The following ANGEL2 variants were observed in gnomAD, a reference collection of about 807,000 sequenced individuals.
The protein encoded by ANGEL2 is angel homolog 2, also known as RNA 2',3'-cyclic phosphatase ANGEL2.
In ANGEL2, 41 loss-of-function variants were observed where a neutral mutation model predicts 66.0. The observed-to-expected ratio is 0.62, with a 90% CI of 0.48 to 0.81. ANGEL2 has a LOEUF of 0.81. Among genes scored for constraint, ANGEL2 ranks in the 30% least tolerant of loss-of-function variants. The pLI, the probability that ANGEL2 is intolerant of heterozygous loss-of-function variation, is 0.00. For missense variants in ANGEL2, 561 were observed against 641.6 expected (o/e 0.87, Z 1.36); for synonymous variants, 208 against 226.5 (o/e 0.92, Z 0.73).
At chr1:213,009,962 A>T (rs1245596987) in intron 2 of ANGEL2, among the ~76,000 whole-genome samples, 1 of 151,680 alleles carries the variant, frequency 6.6e-6, no homozygotes, top group Non-Finnish European at 1.5e-5. Flanking sequence ...GAAGCCAGAG[A>T]ATCGCTGTAA....
chr1:212,998,260 C>T (rs900410093), intron 7 of ANGEL2, among the ~76,000 whole-genome samples: 6 of 150,954 alleles, frequency 4.0e-5, no homozygotes, highest in African/African-American at 7.3e-5. Context: ...AAAGTAGCTA[C>T]GCGTGGAGGC....
rs553085890 is a variant in ANGEL2 at position 213,005,226 on chromosome 1, T to C, written c.941A>G (p.Asn314Ser). Residue 314 changes from asparagine to serine, a missense_variant, in exon 5 of 9, where the codon AAT (asparagine) becomes AGT (serine). Physicochemically the swap from Asn to Ser is conservative, Grantham distance 46. Coordinates refer to ENST00000366962, the MANE Select transcript of ANGEL2 (RefSeq NM_144567.5). ...ICVANTHLLYNPRRGDIKLTQ... is the reference protein window; with the variant it reads ...ICVANTHLLYSPRRGDIKLTQ... Reference sequence around the variant, plus strand: ...CAGCTTAATATCACCTCGCCTTGGATTATACAACAGATGCGTATTTGCTAC... The same window carrying C: ...CAGCTTAATATCACCTCGCCTTGGACTATACAACAGATGCGTATTTGCTAC... 7.4e-6 allele frequency: 12 copies of C among 1,614,258 alleles called. No individual in the cohort carries two copies. Among genetic ancestry groups the C allele is most frequent in the Non-Finnish European group, 9.3e-6 (11 of 1,180,054 alleles).
rs1459309479 is a variant in ANGEL2, at chr1:212,994,339, A to G, written c.*702T>C. The G allele has an allele frequency of 6.6e-6, 1 of 152,192 alleles. No homozygotes were observed. The highest frequency in any genetic ancestry group is 1.5e-5 in the Non-Finnish European group (1 of 68,060). The allele number at this position is 152,192 out of a possible 1,614,324, so 9.4% of individuals were successfully genotyped here. A position where few individuals can be genotyped will look rare whatever the true frequency, so the allele number is the denominator to read the frequency against. ...AAAAATGCTAGGGAAACAAAGGTAT[A>G]TCCCCAGTCTCTGCCTCTATTAAGC... is the stretch of plus-strand genomic sequence containing the variant. On this transcript the variant is annotated 3_prime_UTR_variant, in exon 9 of 9. Transcript: ENST00000366962.
chr1:213,005,321 G>A lies in ANGEL2; in HGVS notation c.846C>T (p.Asp282=), dbSNP rs751342083. 5 of 1,614,110 alleles carry A rather than the reference G, an allele frequency of 3.1e-6. No individual in the cohort carries two copies. The highest frequency in any genetic ancestry group is 1.3e-5 in the African/African-American group (1 of 74,944). Residue 282 remains aspartate (D), a synonymous_variant, in exon 5 of 9, where the codon GAC becomes GAT. Coordinates refer to ENST00000366962, the MANE Select transcript of ANGEL2 (RefSeq NM_144567.5). ...GTAAAACTAATCCAACATTGTCTCT[G>A]TCCAACAGAGAAATATCAGGGCGGA... ...EFFRPDISLL[D]RDNVGLVLLL...
intron 5 of ANGEL2, among the ~76,000 whole-genome samples, chr1:213,002,603 T>C (rs2076206380): frequency 6.6e-6 from 1 of 152,198 alleles, no homozygotes; most frequent in African/African-American, 2.4e-5. Flanking sequence ...CTTCTTGCAA[T>C]ATAAAGTGGT....
rs560641359 is a variant in ANGEL2, at chr1:213,002,791, T to C, written c.1135-1879A>G. On this transcript the variant is annotated intron_variant, in intron 5 of 8. Transcript: ENST00000366962. ...AAAAAATTAGCCCGGCGTGGAGGCA[T>C]GCACCTGTAATCCCACCTACTTGGG... is the stretch of plus-strand genomic sequence containing the variant. Among the ~76,000 whole-genome samples, 260 of 151,996 alleles carry C rather than the reference T, an allele frequency of 1.7e-3. 1 individual carries two copies. Among genetic ancestry groups the C allele is most frequent in the South Asian group, 6.9e-3 (33 of 4,802 alleles).
intron 2 of ANGEL2, chr1:213,011,577 G>T: frequency 1.7e-6 from 1 of 583,566 alleles, no homozygotes; most frequent in Non-Finnish European, 2.2e-6. Context: ...CTACTATGAA[G>T]CCAACAGTGT....
chr1:213,004,423 T>G (rs2076261146), intron 5 of ANGEL2, among the ~76,000 whole-genome samples: 2 of 151,998 alleles, frequency 1.3e-5, no homozygotes, highest in African/African-American at 4.8e-5. Context: ...CAACCAGCAT[T>G]CAAAATTCTA....
chr1:213,009,932 T>C (rs2076453186), intron 2 of ANGEL2, among the ~76,000 whole-genome samples: 1 of 151,124 alleles, frequency 6.6e-6, no homozygotes, highest in African/African-American at 2.4e-5. Context: ...GCACCTGTAA[T>C]CCCAGCTACT....
chr1:212,996,601 T>C (rs1280754511), intron 8 of ANGEL2, among the ~76,000 whole-genome samples: 6 of 114,332 alleles, frequency 5.2e-5, no homozygotes, highest in African/African-American at 1.8e-4. Context: ...CTAGCCTGGG[T>C]AACAGAGCGA....
chr1:213,006,037 T>C (rs2076316098), intron 4 of ANGEL2, among the ~76,000 whole-genome samples: 3 of 152,212 alleles, frequency 2.0e-5, no homozygotes, highest in Admixed American at 2.0e-4. Context: ...TTTACTTATT[T>C]ATTTGGTTAG....
At chr1:212,995,213 CAT>C (rs747538794) in intron 8 of ANGEL2, 21 bp from the exon 9 acceptor site, 13 of 1,574,976 alleles carry the variant, frequency 8.3e-6, no homozygotes, top group Non-Finnish European at 1.1e-5. Context: ...GAAGCACACA[CAT>C]ATTTAGTAAA....
intron 5 of ANGEL2, among the ~76,000 whole-genome samples, chr1:213,004,718 A>T (rs2076270842): frequency 6.6e-6 from 1 of 151,978 alleles, no homozygotes; most frequent in African/African-American, 2.4e-5. Flanking sequence ...AAATACAAAA[A>T]TTAGCCAGGT....
intron 8 of ANGEL2, 74 bp downstream of exon 8, chr1:212,997,081 C>A: frequency 7.4e-7 from 1 of 1,356,878 alleles, no homozygotes; most frequent in Non-Finnish European, 1.0e-6. Flanking sequence ...GTTTAGAGAG[C>A]TTTCTTAACT....
intron 5 of ANGEL2, among the ~76,000 whole-genome samples, chr1:213,003,803 T>C (rs182514951): frequency 1.1e-4 from 16 of 152,326 alleles, no homozygotes; most frequent in African/African-American, 3.4e-4. Context: ...AGAGTTGCTA[T>C]GAAACTTCAA....
intron 4 of ANGEL2, 125 bp from the exon 5 acceptor site, chr1:213,005,579 T>C (rs902160334): frequency 1.9e-6 from 2 of 1,050,012 alleles, no homozygotes; most frequent in Non-Finnish European, 2.7e-6. Context: ...TAATGTAGGA[T>C]GTCAATAAAC....
At chr1:212,995,715 C>A (rs74140549) in intron 8 of ANGEL2, among the ~76,000 whole-genome samples, 1,705 of 152,196 alleles carry the variant, frequency 0.011, 32 homozygotes, top group African/African-American at 0.039. Flanking sequence ...GAAAACCTTA[C>A]TATAAATTCA....
rs772405308 is a variant in ANGEL2 at position 213,005,191 on chromosome 1, C to T, written c.976G>A (p.Ala326Thr). ...CTGGAAATCTCTGCCAGTAGCATTG[C>T]CAATTGCGTCAGCTTAATATCACCT... is the stretch of plus-strand genomic sequence containing the variant. ...RRGDIKLTQL[A>T]MLLAEISSVA... Residue 326 changes from alanine (A) to threonine (T), a missense_variant, in exon 5 of 9, where the codon GCA becomes ACA. Ala to Thr is a moderately conservative substitution (Grantham distance 58). Coordinates refer to ENST00000366962, the MANE Select transcript of ANGEL2 (RefSeq NM_144567.5). 2.5e-6 allele frequency: 4 copies of T among 1,614,218 alleles called. No individual in the cohort carries two copies. Among genetic ancestry groups the T allele is most frequent in the Non-Finnish European group, 3.4e-6 (4 of 1,180,038 alleles).
chr1:213,005,199 G>C lies in ANGEL2; in HGVS notation c.968C>G (p.Thr323Arg). 1.2e-6 allele frequency: 2 copies of C among 1,614,196 alleles called. No individual in the cohort carries two copies. The highest frequency in any genetic ancestry group is 1.7e-6 in the Non-Finnish European group (2 of 1,180,032). The stretch of plus-strand genomic sequence containing the variant: ...CTCTGCCAGTAGCATTGCCAATTGC[G>C]TCAGCTTAATATCACCTCGCCTTGG... ...YNPRRGDIKL[T>R]QLAMLLAEIS... The change falls in exon 5 of 9, where the codon ACG (threonine) becomes AGG (arginine). Residue 323 changes from threonine (T) to arginine (R), a missense_variant. Coordinates refer to ENST00000366962, the MANE Select transcript of ANGEL2 (RefSeq NM_144567.5).
Sources: allele counts gnomAD v4.1 joint callset (sites outside exome capture counted in the v4.1 genomes callset), GRCh38; gene constraint gnomAD v4.1.1; transcripts MANE v1.5; gene names NCBI Gene and HGNC (gene_info 2026-07-23, HGNC 2026-07-21).